The following GTF2F2 variants were observed in gnomAD, a reference collection of about 807,000 sequenced individuals.
The protein encoded by GTF2F2 is ATP-dependent helicase GTF2F2.
In GTF2F2, 23 loss-of-function variants were observed where a neutral mutation model predicts 42.2. The observed-to-expected ratio is 0.55, with a 90% CI of 0.39 to 0.77. GTF2F2 has a LOEUF of 0.77. Among genes scored for constraint, GTF2F2 ranks in the 30% least tolerant of loss-of-function variants. GTF2F2 has a pLI of 0.00. For synonymous variants in GTF2F2, 105 were observed against 100.8 expected, an observed-to-expected ratio of 1.04 and a Z score of -0.25; for missense variants, 261 against 287.2, an observed-to-expected ratio of 0.91 and a Z score of 0.66.
chr13:45,265,258 CAAAAAA>C (rs1047526303), intron 6 of GTF2F2, among the ~76,000 whole-genome samples: 2 of 132,588 alleles, frequency 1.5e-5, no homozygotes, highest in Admixed American at 1.5e-4. Flanking sequence ...GACACCATTT[CAAAAAA>C]AAAAAAAAAT....
intron 2 of GTF2F2, among the ~76,000 whole-genome samples, chr13:45,137,138 G>A (rs765916297): frequency 1.3e-4 from 20 of 152,196 alleles, no homozygotes; most frequent in Non-Finnish European, 2.6e-4. Context: ...CTTAGGCTGG[G>A]TATAACTGGA....
At chr13:45,127,529 AT>A (rs1380695585) in intron 1 of GTF2F2, among the ~76,000 whole-genome samples, 2 of 140,128 alleles carry the variant, frequency 1.4e-5, no homozygotes, top group Admixed American at 7.6e-5. Context: ...GGGTTTCACC[AT>A]GTTGCCCAGG....
chr13:45,194,775 G>T, intron 4 of GTF2F2: 1 of 569,458 alleles, frequency 1.8e-6, no homozygotes, highest in Admixed American at 3.3e-5. Context: ...ACGGAAAAGA[G>T]AATTTGCATT....
At chr13:45,165,806 C>CTTTTT (rs5803286) in intron 4 of GTF2F2, among the ~76,000 whole-genome samples, 105 of 88,880 alleles carry the variant, frequency 1.2e-3, no homozygotes, top group Non-Finnish European at 1.5e-3. Flanking sequence ...TCAGTACATT[C>CTTTTT]TTTTTTTTTT....
chr13:45,271,468 C>G (rs1876789924), intron 7 of GTF2F2, among the ~76,000 whole-genome samples: 1 of 151,906 alleles, frequency 6.6e-6, no homozygotes, highest in Non-Finnish European at 1.5e-5. Flanking sequence ...ACTGCAACCT[C>G]CACCTCCTAG....
rs201519443 is a variant in GTF2F2, at chr13:45,165,329, A to AT, written c.304+13499dup. Among the ~76,000 whole-genome samples the AT allele has an allele frequency of 8.7e-3, 1,124 of 129,678 alleles. 3 individuals are homozygous for AT. Among genetic ancestry groups the AT allele is most frequent in the Middle Eastern group, 0.024 (6 of 246 alleles). 85.1% of individuals were successfully genotyped at this position (129,678 alleles called of 152,430 possible). ...ATCTAAAATATATATATATATATAT[A>AT]TATTTTTTTTTTCTTTGAGACAAAG... On this transcript the variant is annotated intron_variant, in intron 4 of 7. Transcript: ENST00000340473.
chr13:45,186,124 G>A (rs1165691027), intron 4 of GTF2F2, among the ~76,000 whole-genome samples: 2 of 149,918 alleles, frequency 1.3e-5, no homozygotes, highest in South Asian at 2.1e-4. Flanking sequence ...ACAGGCATGC[G>A]CCACCATGCC....
chr13:45,134,518 A>G (rs976707626), intron 1 of GTF2F2, among the ~76,000 whole-genome samples: 4 of 152,124 alleles, frequency 2.6e-5, no homozygotes, highest in African/African-American at 4.8e-5. Context: ...ATTTTTTGTT[A>G]TTTGGCACAT....
At chr13:45,172,696 G>T (rs1871658734) in intron 4 of GTF2F2, among the ~76,000 whole-genome samples, 1 of 152,114 alleles carries the variant, frequency 6.6e-6, no homozygotes, top group Non-Finnish European at 1.5e-5. Flanking sequence ...AGCACTGTTT[G>T]TTGAAAAGGC....
intron 5 of GTF2F2, among the ~76,000 whole-genome samples, chr13:45,222,187 A>G (rs1874148134): frequency 6.6e-6 from 1 of 152,200 alleles, no homozygotes; most frequent in South Asian, 2.1e-4. Flanking sequence ...ATAGTGTCTC[A>G]TACATAATAG....
intron 4 of GTF2F2, among the ~76,000 whole-genome samples, chr13:45,170,275 G>A (rs1283897825): frequency 1.3e-5 from 2 of 152,228 alleles, no homozygotes; most frequent in Non-Finnish European, 2.9e-5. Context: ...GCCTGCCAAA[G>A]TGTTGGGATT....
intron 1 of GTF2F2, among the ~76,000 whole-genome samples, chr13:45,127,635 CTTG>C (rs1355593984): frequency 6.6e-6 from 1 of 151,560 alleles, no homozygotes; most frequent in Non-Finnish European, 1.5e-5. Flanking sequence ...CACCCCTGGC[CTTG>C]TTTTTTTTTG....
At chr13:45,178,868 A>G (rs1283533253) in intron 4 of GTF2F2, among the ~76,000 whole-genome samples, 1 of 152,158 alleles carries the variant, frequency 6.6e-6, no homozygotes, top group Non-Finnish European at 1.5e-5. Context: ...TTACTCATGC[A>G]TCTGCATTCA....
intron 5 of GTF2F2, among the ~76,000 whole-genome samples, chr13:45,215,588 G>A (rs1043062056): frequency 5.9e-5 from 9 of 151,510 alleles, no homozygotes; most frequent in Non-Finnish European, 8.8e-5. Context: ...GGTGAAACCC[G>A]TCCCTACTAA....
chr13:45,258,066 A>G (rs1488280088), intron 6 of GTF2F2, among the ~76,000 whole-genome samples: 1 of 152,198 alleles, frequency 6.6e-6, no homozygotes, highest in Admixed American at 6.5e-5. Flanking sequence ...AAAATGGTTT[A>G]TCAGTCAATC....
intron 4 of GTF2F2, among the ~76,000 whole-genome samples, chr13:45,203,291 C>T (rs938425389): frequency 3.3e-5 from 5 of 150,190 alleles, no homozygotes; most frequent in Non-Finnish European, 5.9e-5. Flanking sequence ...CCTTGTGTTG[C>T]CTGGGCTAGT....
intron 4 of GTF2F2, among the ~76,000 whole-genome samples, chr13:45,161,801 C>T (rs1871051545): frequency 6.6e-6 from 1 of 152,224 alleles, no homozygotes; most frequent in Admixed American, 6.5e-5. Flanking sequence ...CGAGATCATG[C>T]CATTGCACTC....
At chr13:45,144,771 TAAA>T (rs1870111644) in intron 2 of GTF2F2, among the ~76,000 whole-genome samples, 1 of 152,072 alleles carries the variant, frequency 6.6e-6, no homozygotes, top group Non-Finnish European at 1.5e-5. Flanking sequence ...CCGCTAATAA[TAAA>T]AAGTATGGAA....
At position 45,283,900 on chromosome 13, in the gene GTF2F2, T is replaced by G. The variant is rs1197372893; in HGVS notation, c.*339T>G. On this transcript the variant is annotated 3_prime_UTR_variant, in exon 8 of 8. Transcript: ENST00000340473. ...GTGAGGACTCTCTACCCTTGCCGTA[T>G]CTAAGGAGCTGAGGTAATACAGATC... 1 of 153,874 alleles carries G rather than the reference T, an allele frequency of 6.5e-6. No homozygotes were observed. Among genetic ancestry groups the G allele is most frequent in the African/African-American group, 2.4e-5 (1 of 41,474 alleles). 9.5% of individuals were successfully genotyped at this position (153,874 alleles called of 1,614,324 possible). A position where few individuals can be genotyped will look rare whatever the true frequency, so the allele number is the denominator to read the frequency against.
Sources: allele counts gnomAD v4.1 joint callset (sites outside exome capture counted in the v4.1 genomes callset), GRCh38; gene constraint gnomAD v4.1.1; transcripts MANE v1.5; gene names NCBI Gene and HGNC (gene_info 2026-07-23, HGNC 2026-07-21).